The following UTRN variants were observed in gnomAD, a reference collection of about 807,000 sequenced individuals.
UTRN encodes utrophin, also known as dystrophin-related protein 1.
Under a neutral mutation model 463.9 loss-of-function variants are expected in UTRN, and 283 were observed. The observed-to-expected ratio is 0.61, with a 90% CI of 0.55 to 0.67. UTRN has a LOEUF of 0.67. Among genes scored for constraint, UTRN ranks in the 30% least tolerant of loss-of-function variants. UTRN has a pLI of 0.00. For missense variants in UTRN, 3,922 were observed against 4,084.3 expected (o/e 0.96, Z 1.08); for synonymous variants, 1,442 against 1,431.5 (o/e 1.01, Z -0.17).
chr6:144,444,548 G>A (rs1469068598), intron 14 of UTRN, among the ~76,000 whole-genome samples, 166 bp downstream of exon 14: 3 of 152,132 alleles, frequency 2.0e-5, no homozygotes, highest in Non-Finnish European at 2.9e-5. Context: ...TGATCATGAA[G>A]CTTATTCACA....
intron 63 of UTRN, among the ~76,000 whole-genome samples, chr6:144,796,053 A>G (rs1438561864): frequency 1.3e-5 from 2 of 152,072 alleles, no homozygotes; most frequent in Non-Finnish European, 2.9e-5. Flanking sequence ...TAGGTCTTAC[A>G]TTTAAGTCTT....
Position 144,596,203 on chromosome 6 carries a change from CCTTA to C in UTRN, c.7479+18919_7479+18922del, listed in dbSNP as rs150220969. On this transcript the variant is annotated intron_variant, in intron 51 of 74. Transcript: ENST00000367545. ...ATAGTTTACTTATGCCAAATGTCAT[CCTTA>C]CTTTAAAAGCTGGAGTGATTTCTAG... 4.2e-3 allele frequency among the ~76,000 whole-genome samples: 639 copies of C among 152,230 alleles called. 4 individuals are homozygous for C. Among genetic ancestry groups the C allele is most frequent in the African/African-American group, 0.014 (593 of 41,534 alleles).
intron 53 of UTRN, among the ~76,000 whole-genome samples, chr6:144,723,133 T>A (rs936620311): frequency 2.0e-5 from 3 of 152,210 alleles, no homozygotes; most frequent in African/African-American, 7.2e-5. Context: ...TCCATGACAG[T>A]CAGATCAGTT....
At chr6:144,513,046 G>C (rs928245856) in intron 35 of UTRN, among the ~76,000 whole-genome samples, 1 of 152,070 alleles carries the variant, frequency 6.6e-6, no homozygotes, top group Non-Finnish European at 1.5e-5. Flanking sequence ...GTCATAATCT[G>C]CTTAACTCTT....
chr6:144,816,197 C>T (rs957591064), intron 65 of UTRN, among the ~76,000 whole-genome samples: 1 of 152,042 alleles, frequency 6.6e-6, no homozygotes, highest in African/African-American at 2.4e-5. Flanking sequence ...CCTGAGTTTT[C>T]CAACAGACAA....
chr6:144,454,896 C>T (rs946458191), intron 19 of UTRN, among the ~76,000 whole-genome samples: 13 of 152,176 alleles, frequency 8.5e-5, no homozygotes, highest in African/African-American at 2.9e-4. Context: ...CCTACACACA[C>T]ACATCACTGT....
At chr6:144,541,612 G>A (rs529067258) in intron 45 of UTRN, among the ~76,000 whole-genome samples, 1 of 152,272 alleles carries the variant, frequency 6.6e-6, no homozygotes, top group South Asian at 2.1e-4. Context: ...TCACTCAATA[G>A]GTTTTTATTG....
intron 51 of UTRN, among the ~76,000 whole-genome samples, chr6:144,578,293 G>A (rs1408464289): frequency 1.3e-5 from 2 of 152,116 alleles, no homozygotes; most frequent in African/African-American, 2.4e-5. Context: ...ACCATGCCAT[G>A]CTCACATCAG....
intron 26 of UTRN, among the ~76,000 whole-genome samples, chr6:144,480,890 T>A (rs922240166): frequency 6.6e-6 from 1 of 152,190 alleles, no homozygotes; most frequent in African/African-American, 2.4e-5. Flanking sequence ...TGAATCAAAG[T>A]AAATATGACA....
At chr6:144,804,992 G>A (rs559516468) in intron 65 of UTRN, among the ~76,000 whole-genome samples, 2 of 152,142 alleles carry the variant, frequency 1.3e-5, no homozygotes, top group South Asian at 4.1e-4. Context: ...CTTTTTTAAG[G>A]GTCATCCTAG....
chr6:144,529,551 T>C lies in UTRN; in HGVS notation c.5907-1501T>C, dbSNP rs1320659115. ...AGTCTTTAGATCTTTGGAACAGTCT[T>C]ATAGCATCTCGAATTTGGAAATTGT... On this transcript the variant is annotated intron_variant, in intron 41 of 74. Transcript: ENST00000367545. Among the ~76,000 whole-genome samples, 6 of 152,320 alleles carry C rather than the reference T, an allele frequency of 3.9e-5. No individual in the cohort carries two copies. In the South Asian group the frequency reaches 1.0e-3, roughly 26 times the overall value.
chr6:144,823,730 C>T (rs1779791274), intron 66 of UTRN, among the ~76,000 whole-genome samples: 4 of 151,948 alleles, frequency 2.6e-5, no homozygotes, highest in African/African-American at 4.8e-5. Context: ...AAGAATACTC[C>T]ATTGAAAATA....
At chr6:144,315,912 A>C (rs760337317) in intron 2 of UTRN, among the ~76,000 whole-genome samples, 7 of 152,190 alleles carry the variant, frequency 4.6e-5, no homozygotes, top group Non-Finnish European at 8.8e-5. Flanking sequence ...TGAACTGCTG[A>C]AGGTCGCCTC....
intron 74 of UTRN, among the ~76,000 whole-genome samples, chr6:144,850,272 G>T (rs535929855): frequency 1.3e-5 from 2 of 152,144 alleles, no homozygotes; most frequent in Non-Finnish European, 2.9e-5. Flanking sequence ...TGCTTCCAGG[G>T]AGCAGGATAA....
intron 50 of UTRN, among the ~76,000 whole-genome samples, chr6:144,558,559 C>T (rs937438024): frequency 2.6e-5 from 4 of 151,942 alleles, no homozygotes; most frequent in South Asian, 4.1e-4. Flanking sequence ...TGCAGCACAC[C>T]GACATGGCAC....
In UTRN at chr6:144,514,495, C is replaced by A. The variant is rs190102077; in HGVS notation, c.5074-155C>A. Among the ~76,000 whole-genome samples, 274 of 152,280 alleles carry A rather than the reference C, an allele frequency of 1.8e-3. 1 individual carries two copies. The highest frequency in any genetic ancestry group is 6.4e-3 in the African/African-American group (268 of 41,552). On this transcript the variant is annotated intron_variant, in intron 36 of 74. Coordinates refer to ENST00000367545, the MANE Select transcript of UTRN (RefSeq NM_007124.3). ...TTACCTCTGTGTTCTCCAATGAGTCCTATGTGAACAGCTCTCACCTGGTTG... is the reference window on the plus strand; with the variant it reads ...TTACCTCTGTGTTCTCCAATGAGTCATATGTGAACAGCTCTCACCTGGTTG...
chr6:144,391,208 A>G (rs981585695), intron 2 of UTRN, among the ~76,000 whole-genome samples: 11 of 152,050 alleles, frequency 7.2e-5, no homozygotes, highest in Admixed American at 3.9e-4. Context: ...AATAAGTGGT[A>G]CTACAGGCAT....
At chr6:144,560,767 C>G (rs1023222302) in intron 50 of UTRN, among the ~76,000 whole-genome samples, 1 of 152,076 alleles carries the variant, frequency 6.6e-6, no homozygotes, top group Non-Finnish European at 1.5e-5. Context: ...TACCATGCAG[C>G]TCTTTATTAA....
chr6:144,348,007 C>A (rs1477779594), intron 2 of UTRN, among the ~76,000 whole-genome samples: 3 of 151,934 alleles, frequency 2.0e-5, no homozygotes, highest in Admixed American at 2.0e-4. Flanking sequence ...CCATACCTGG[C>A]TAATTTTTAA....
Sources: gnomAD v4.1 joint callset for allele counts (sites outside exome capture counted in the v4.1 genomes callset) on GRCh38, gnomAD v4.1.1 for gene constraint, MANE v1.5 for transcripts, NCBI Gene and HGNC (gene_info 2026-07-23, HGNC 2026-07-21) for gene names.